The following SPMIP7 variants were observed in gnomAD, a reference collection of about 807,000 sequenced individuals.
The protein encoded by SPMIP7 is protein SPMIP7.
At chr7:50,118,198 C>T in the SPMIP7 span, among the ~76,000 whole-genome samples, 3 of 152,212 alleles carry the variant, frequency 2.0e-5, no homozygotes, top group Non-Finnish European at 4.4e-5. Flanking sequence ...CAGTGTTAAA[C>T]CTGAACTCAA....
the SPMIP7 span, chr7:50,134,301 C>T: frequency 7.0e-7 from 1 of 1,424,070 alleles, no homozygotes; most frequent in Non-Finnish European, 9.3e-7. Flanking sequence ...GAAATGAGTT[C>T]TAAAACTTTA....
At chr7:50,140,717 A>C in the SPMIP7 span, among the ~76,000 whole-genome samples, 1 of 152,202 alleles carries the variant, frequency 6.6e-6, no homozygotes, top group African/African-American at 2.4e-5. Flanking sequence ...AGGGATCTGG[A>C]CCTTTAGTCC....
the SPMIP7 span, among the ~76,000 whole-genome samples, chr7:50,109,909 A>G: frequency 1.5e-4 from 23 of 152,268 alleles, no homozygotes; most frequent in Admixed American, 1.4e-3. Flanking sequence ...ATGTTCATTT[A>G]TATTCTCAAA....
chr7:50,143,519 G>T, the SPMIP7 span, among the ~76,000 whole-genome samples: 2 of 152,064 alleles, frequency 1.3e-5, no homozygotes, highest in African/African-American at 4.8e-5. Flanking sequence ...AGTTCAAGTG[G>T]CTTCAGCATT....
At chr7:50,127,634 T>TATATATAC in the SPMIP7 span, among the ~76,000 whole-genome samples, 1 of 149,148 alleles carries the variant, frequency 6.7e-6, no homozygotes, top group African/African-American at 2.4e-5. Flanking sequence ...TATATATATA[T>TATATATAC]ACTGATTAAA....
At chr7:50,125,478 T>G in the SPMIP7 span, among the ~76,000 whole-genome samples, 1 of 149,244 alleles carries the variant, frequency 6.7e-6, no homozygotes, top group East Asian at 2.0e-4. Context: ...ATGGTAAGAA[T>G]GGAAATTGTG....
the SPMIP7 span, among the ~76,000 whole-genome samples, chr7:50,156,586 G>A: frequency 1.3e-5 from 2 of 151,306 alleles, no homozygotes; most frequent in Non-Finnish European, 2.9e-5. Flanking sequence ...TGCTTGCTGG[G>A]GCACCCAAGG....
At chr7:50,118,286 C>T in the SPMIP7 span, among the ~76,000 whole-genome samples, 1 of 152,140 alleles carries the variant, frequency 6.6e-6, no homozygotes, top group Non-Finnish European at 1.5e-5. Flanking sequence ...AAAAGTTTTG[C>T]ACTCCACAAA....
the SPMIP7 span, among the ~76,000 whole-genome samples, chr7:50,127,460 A>G: frequency 6.6e-6 from 1 of 151,682 alleles, no homozygotes; most frequent in Non-Finnish European, 1.5e-5. Context: ...TGAAGAGACT[A>G]CTCACAGAAT....
chr7:50,122,489 T>TC, the SPMIP7 span, among the ~76,000 whole-genome samples: 30 of 150,988 alleles, frequency 2.0e-4, no homozygotes, highest in African/African-American at 7.3e-4. Flanking sequence ...GCATTACCAT[T>TC]CAGGACATAG....
At chr7:50,132,284 A>G in the SPMIP7 span, among the ~76,000 whole-genome samples, 3 of 152,230 alleles carry the variant, frequency 2.0e-5, no homozygotes, top group South Asian at 4.1e-4. Context: ...TTCTCATCTT[A>G]AAAATGAAGG....
chr7:50,106,936 A>C, the SPMIP7 span, among the ~76,000 whole-genome samples: 4 of 152,142 alleles, frequency 2.6e-5, no homozygotes, highest in African/African-American at 9.7e-5. Flanking sequence ...CCCCATCTGT[A>C]CTAAAAATAC....
the SPMIP7 span, among the ~76,000 whole-genome samples, chr7:50,152,588 C>T: frequency 5.3e-5 from 8 of 152,230 alleles, no homozygotes; most frequent in South Asian, 2.1e-4. Context: ...ACTAGAGGGA[C>T]GGCAGTTCGC....
the SPMIP7 span, among the ~76,000 whole-genome samples, chr7:50,097,463 G>A: frequency 6.6e-6 from 1 of 152,126 alleles, no homozygotes; most frequent in Non-Finnish European, 1.5e-5. Context: ...CAAGTATAGA[G>A]CTCATCTGTC....
the SPMIP7 span, among the ~76,000 whole-genome samples, chr7:50,124,395 T>C: frequency 1.3e-5 from 2 of 152,166 alleles, no homozygotes; most frequent in Non-Finnish European, 2.9e-5. Context: ...AGGTAGTTGA[T>C]ATTTATGGAA....
chr7:50,127,032 C>T, the SPMIP7 span, among the ~76,000 whole-genome samples: 1 of 152,126 alleles, frequency 6.6e-6, no homozygotes, highest in Admixed American at 6.6e-5. Context: ...GTAATCAAAC[C>T]AGCATGGTAC....
chr7:50,146,658 T>A, the SPMIP7 span, among the ~76,000 whole-genome samples: 1 of 152,230 alleles, frequency 6.6e-6, no homozygotes, highest in Non-Finnish European at 1.5e-5. Context: ...CAACTCACAA[T>A]GGACTCCTGT....
the SPMIP7 span, among the ~76,000 whole-genome samples, chr7:50,155,502 C>G: frequency 6.6e-6 from 1 of 152,176 alleles, no homozygotes; most frequent in Non-Finnish European, 1.5e-5. Context: ...GTCAGTGCAG[C>G]TATAAACAAT....
chr7:50,100,812 A>AAAAT, the SPMIP7 span, among the ~76,000 whole-genome samples: 264 of 139,326 alleles, frequency 1.9e-3, 2 homozygotes, highest in East Asian at 6.0e-3. Context: ...ATGCCGTCCA[A>AAAAT]AAATAAATAA....
Sources: gnomAD v4.1 joint callset for allele counts (sites outside exome capture counted in the v4.1 genomes callset) on GRCh38, gnomAD v4.1.1 for gene constraint, MANE v1.5 for transcripts, NCBI Gene and HGNC (gene_info 2026-07-23, HGNC 2026-07-21) for gene names.